The following FHL2 variants were observed in gnomAD, a reference collection of about 807,000 sequenced individuals.
The protein encoded by FHL2 is four and a half LIM domains protein 2.
Under a neutral mutation model 32.7 loss-of-function variants are expected in FHL2, and 20 were observed. That is an observed-to-expected ratio of 0.61 (90% CI 0.43 to 0.89). The LOEUF (loss-of-function observed/expected upper bound fraction) is 0.89, where lower values mean the gene tolerates loss of function less well. FHL2 is among the 40% of genes least tolerant of loss of function. The pLI, the probability that FHL2 is intolerant of heterozygous loss-of-function variation, is 0.00. For missense variants in FHL2, 311 were observed against 358.6 expected, an observed-to-expected ratio of 0.87 and a Z score of 1.07; for synonymous variants, 123 against 128.1, an observed-to-expected ratio of 0.96 and a Z score of 0.27.
At chr2:105,429,408 C>T (rs1387058952) in intron 1 of FHL2, among the ~76,000 whole-genome samples, 8 of 152,102 alleles carry the variant, frequency 5.3e-5, no homozygotes, top group Admixed American at 5.2e-4. Context: ...GGACATCCCC[C>T]AATGTAATCA....
At chr2:105,438,059 G>A (rs569548373) in intron 1 of FHL2, among the ~76,000 whole-genome samples, 27 of 152,064 alleles carry the variant, frequency 1.8e-4, no homozygotes, top group South Asian at 4.1e-4. Context: ...AATGTTTTCC[G>A]TTGTTCAAAA....
intron 3 of FHL2, among the ~76,000 whole-genome samples, chr2:105,382,835 GTTAAATGCACAGTA>G (rs1423563565): frequency 6.6e-6 from 1 of 152,132 alleles, no homozygotes; most frequent in Admixed American, 6.5e-5. Flanking sequence ...TCACCAATTT[GTTAAATGCACAGTA>G]TTAGCAGCTG....
chr2:105,382,198 A>C (rs1286283204), intron 3 of FHL2, among the ~76,000 whole-genome samples: 1 of 152,218 alleles, frequency 6.6e-6, no homozygotes, highest in Non-Finnish European at 1.5e-5. Flanking sequence ...AGAGTTTGTG[A>C]AACAACTTGA....
At chr2:105,394,476 G>T (rs1166894799) in intron 2 of FHL2, among the ~76,000 whole-genome samples, 1 of 151,938 alleles carries the variant, frequency 6.6e-6, no homozygotes, top group Non-Finnish European at 1.5e-5. Flanking sequence ...GGGAGACTGA[G>T]GCAGGAGGAC....
At chr2:105,415,448 G>A (rs779468283) in intron 1 of FHL2, among the ~76,000 whole-genome samples, 12 of 152,222 alleles carry the variant, frequency 7.9e-5, no homozygotes, top group Non-Finnish European at 1.3e-4. Context: ...TTTGCACCGT[G>A]TGCATTGATT....
At chr2:105,436,480 G>T (rs532200340) in intron 1 of FHL2, among the ~76,000 whole-genome samples, 2 of 152,110 alleles carry the variant, frequency 1.3e-5, no homozygotes, top group African/African-American at 4.8e-5. Context: ...AATTTTCAAG[G>T]AATTAGATTT....
At chr2:105,363,529 C>A in intron 5 of FHL2, 58 bp from the exon 6 acceptor site, 2 of 1,464,704 alleles carry the variant, frequency 1.4e-6, no homozygotes, top group South Asian at 2.6e-5. Context: ...CATCTTCAGT[C>A]TCAGCTACTG....
At chr2:105,415,928 A>G (rs935440499) in intron 1 of FHL2, among the ~76,000 whole-genome samples, 1 of 152,330 alleles carries the variant, frequency 6.6e-6, no homozygotes. Context: ...GTTTTATACA[A>G]TAGGAATAGA....
chr2:105,388,354 T>C (rs1573348004), intron 2 of FHL2, among the ~76,000 whole-genome samples: 1 of 152,126 alleles, frequency 6.6e-6, no homozygotes, highest in Admixed American at 6.5e-5. Context: ...TGGGCCCTCC[T>C]CTTATGACCA....
intron 5 of FHL2, 61 bp from the exon 6 acceptor site, chr2:105,363,532 A>C: frequency 4.8e-6 from 7 of 1,447,148 alleles, no homozygotes; most frequent in African/African-American, 1.4e-5. Context: ...CTTCAGTCTC[A>C]GCTACTGCCA....
intron 1 of FHL2, among the ~76,000 whole-genome samples, chr2:105,411,376 T>A (rs891427653): frequency 7.2e-5 from 11 of 151,874 alleles, no homozygotes; most frequent in African/African-American, 1.7e-4. Flanking sequence ...GAGCAAATTT[T>A]AAAAAAAAGT....
intron 1 of FHL2, among the ~76,000 whole-genome samples, chr2:105,421,824 G>A (rs937726269): frequency 2.0e-5 from 3 of 152,216 alleles, no homozygotes; most frequent in Non-Finnish European, 4.4e-5. Context: ...GCATGAGCTT[G>A]CAATGCAGTC....
chr2:105,393,113 C>A (rs1035761133), intron 2 of FHL2, among the ~76,000 whole-genome samples: 2 of 151,998 alleles, frequency 1.3e-5, no homozygotes, highest in African/African-American at 4.8e-5. Context: ...ACAGGTAAAG[C>A]CTGAAGAGGT....
chr2:105,390,100 CG>C (rs1553420038), intron 2 of FHL2: 1 of 152,658 alleles, frequency 6.6e-6, no homozygotes, highest in Non-Finnish European at 1.5e-5. Context: ...GGTGTGGTGG[CG>C]GGCACCTGTA....
chr2:105,388,993 G>T (rs973944026), intron 2 of FHL2, among the ~76,000 whole-genome samples: 1 of 152,232 alleles, frequency 6.6e-6, no homozygotes, highest in African/African-American at 2.4e-5. Flanking sequence ...CCTGGTTTGT[G>T]ATTACAGTAA....
intron 1 of FHL2, among the ~76,000 whole-genome samples, chr2:105,434,579 A>C (rs1238342402): frequency 6.6e-6 from 1 of 152,004 alleles, no homozygotes; most frequent in Non-Finnish European, 1.5e-5. Context: ...AAAAAAAAAC[A>C]AAACAAACAA....
At chr2:105,369,164 C>A (rs1376896868) in intron 4 of FHL2, among the ~76,000 whole-genome samples, 1 of 152,142 alleles carries the variant, frequency 6.6e-6, no homozygotes, top group South Asian at 2.1e-4. Flanking sequence ...GGGTCACATA[C>A]ATGTGACTTC....
chr2:105,370,736 T>C (rs1008205497), intron 4 of FHL2, among the ~76,000 whole-genome samples: 1 of 152,238 alleles, frequency 6.6e-6, no homozygotes, highest in Non-Finnish European at 1.5e-5. Flanking sequence ...TTCAGTGTTT[T>C]GTCGGTGCTG....
chr2:105,412,994 C>G (rs1288683983), intron 1 of FHL2, among the ~76,000 whole-genome samples: 1 of 152,158 alleles, frequency 6.6e-6, no homozygotes, highest in Admixed American at 6.5e-5. Flanking sequence ...AGTAAGGAAA[C>G]TGAGGCCCAG....
Sources: gnomAD v4.1 joint callset for allele counts (sites outside exome capture counted in the v4.1 genomes callset) on GRCh38, gnomAD v4.1.1 for gene constraint, MANE v1.5 for transcripts, NCBI Gene and HGNC (gene_info 2026-07-23, HGNC 2026-07-21) for gene names.